Variants in PTPRK observed in about 807,000 individuals in gnomAD.
PTPRK encodes receptor-type tyrosine-protein phosphatase kappa.
A neutral mutation model predicts 178.0 loss-of-function variants in PTPRK; 75 were observed. The ratio of observed to expected loss-of-function variants is 0.42; its 90% CI spans 0.35 to 0.51. The LOEUF (loss-of-function observed/expected upper bound fraction) is 0.51. Among genes scored for constraint, PTPRK ranks in the 20% least tolerant of loss-of-function variants. The pLI is 0.02. For synonymous variants in PTPRK, 637 were observed against 620.6 expected (o/e 1.03, Z -0.39); for missense variants, 1,441 against 1,797.8 (o/e 0.80, Z 3.59).
intron 22 of PTPRK, among the ~76,000 whole-genome samples, chr6:127,983,655 T>C (rs975688577): frequency 6.6e-6 from 1 of 152,218 alleles, no homozygotes; most frequent in African/African-American, 2.4e-5. Flanking sequence ...ACAATTTTCA[T>C]TTTATGTAAA....
chr6:128,294,802 A>G (rs1160657740), intron 3 of PTPRK, among the ~76,000 whole-genome samples: 4 of 152,116 alleles, frequency 2.6e-5, no homozygotes, highest in Non-Finnish European at 4.4e-5. Context: ...TATAATATAC[A>G]TTCTACTTCT....
At chr6:128,049,069 T>C (rs1031452402) in intron 13 of PTPRK, among the ~76,000 whole-genome samples, 4 of 152,094 alleles carry the variant, frequency 2.6e-5, no homozygotes, top group African/African-American at 9.7e-5. Context: ...AGAAACATTA[T>C]TAAATTAAAA....
At chr6:128,492,667 T>C (rs916358511) in intron 1 of PTPRK, among the ~76,000 whole-genome samples, 1 of 152,230 alleles carries the variant, frequency 6.6e-6, no homozygotes, top group Non-Finnish European at 1.5e-5. Context: ...ATAGCTGTTA[T>C]TTTCATGCTC....
At chr6:128,053,808 T>A (rs1042078922) in intron 13 of PTPRK, among the ~76,000 whole-genome samples, 7 of 152,150 alleles carry the variant, frequency 4.6e-5, no homozygotes, top group African/African-American at 9.7e-5. Context: ...CTGCTGCTGC[T>A]TTCATCTCTC....
At chr6:128,071,194 T>C (rs1263659784) in intron 11 of PTPRK, among the ~76,000 whole-genome samples, 1 of 151,892 alleles carries the variant, frequency 6.6e-6, no homozygotes, top group Non-Finnish European at 1.5e-5. Flanking sequence ...CTACCATCTT[T>C]AGAATGCTTT....
At chr6:128,491,362 G>C (rs1187046818) in intron 1 of PTPRK, among the ~76,000 whole-genome samples, 1 of 152,192 alleles carries the variant, frequency 6.6e-6, no homozygotes, top group East Asian at 1.9e-4. Flanking sequence ...GGTTAATATA[G>C]AAATGTTAGT....
At chr6:128,247,236 A>G (rs1815635870) in intron 3 of PTPRK, among the ~76,000 whole-genome samples, 1 of 152,232 alleles carries the variant, frequency 6.6e-6, no homozygotes, top group Admixed American at 6.5e-5. Context: ...AAAATCTGAA[A>G]AAAATTTCCC....
intron 24 of PTPRK, among the ~76,000 whole-genome samples, chr6:127,981,966 A>G (rs1775392643): frequency 6.6e-6 from 1 of 152,012 alleles, no homozygotes; most frequent in African/African-American, 2.4e-5. Flanking sequence ...CAACCTCCTG[A>G]GTAGCTGGGA....
At chr6:128,107,534 C>T (rs1228396727) in intron 7 of PTPRK, among the ~76,000 whole-genome samples, 1 of 152,034 alleles carries the variant, frequency 6.6e-6, no homozygotes. Flanking sequence ...AATTGTATTT[C>T]TTCAAGGTCT....
intron 2 of PTPRK, among the ~76,000 whole-genome samples, chr6:128,352,879 AAT>A (rs750496388): frequency 5.9e-5 from 9 of 152,224 alleles, no homozygotes; most frequent in Non-Finnish European, 1.2e-4. Flanking sequence ...TAAGTAATAA[AAT>A]AGTTTGTTCA....
chr6:128,294,624 T>C (rs922433379), intron 3 of PTPRK, among the ~76,000 whole-genome samples: 1 of 152,114 alleles, frequency 6.6e-6, no homozygotes, highest in Non-Finnish European at 1.5e-5. Flanking sequence ...TTGCATTTCA[T>C]CTCTATCATT....
intron 1 of PTPRK, chr6:128,491,749 A>G (rs776254496): frequency 3.9e-6 from 2 of 518,014 alleles, no homozygotes; most frequent in Non-Finnish European, 7.7e-6. Context: ...ATCGCCCTTC[A>G]TGATCCTGGC....
chr6:128,484,887 CTAACTACTA>C (rs1194746583), intron 1 of PTPRK, among the ~76,000 whole-genome samples: 1 of 152,108 alleles, frequency 6.6e-6, no homozygotes, highest in East Asian at 1.9e-4. Context: ...ATCCACAACT[CTAACTACTA>C]TAATTTTAAT....
At chr6:128,518,053 C>T (rs978347857) in intron 1 of PTPRK, among the ~76,000 whole-genome samples, 25 of 152,014 alleles carry the variant, frequency 1.6e-4, no homozygotes, top group Non-Finnish European at 3.5e-4. Context: ...GAAGTATTTA[C>T]AAAACAAACT....
At chr6:128,296,060 C>A (rs1300301307) in intron 3 of PTPRK, among the ~76,000 whole-genome samples, 1 of 152,074 alleles carries the variant, frequency 6.6e-6, no homozygotes, top group African/African-American at 2.4e-5. Context: ...GAGTCAAGGG[C>A]AAGTCCTTCG....
chr6:128,375,580 T>A (rs1378604394), intron 2 of PTPRK, among the ~76,000 whole-genome samples: 3 of 151,868 alleles, frequency 2.0e-5, no homozygotes, highest in African/African-American at 7.3e-5. Context: ...TAACATTCCA[T>A]CCCCGGCCCC....
intron 7 of PTPRK, among the ~76,000 whole-genome samples, chr6:128,143,340 C>T (rs1341897726): frequency 6.6e-6 from 1 of 152,088 alleles, no homozygotes; most frequent in African/African-American, 2.4e-5. Flanking sequence ...TTAAGAAAAA[C>T]ACTTGAAAAC....
At chr6:128,371,382 G>A (rs553255065) in intron 2 of PTPRK, among the ~76,000 whole-genome samples, 71 of 152,062 alleles carry the variant, frequency 4.7e-4, no homozygotes, top group Non-Finnish European at 3.4e-4. Flanking sequence ...ATAATTTTAC[G>A]TATTCTCATA....
At chr6:128,301,094 G>T (rs1825534058) in intron 3 of PTPRK, among the ~76,000 whole-genome samples, 1 of 152,132 alleles carries the variant, frequency 6.6e-6, no homozygotes, top group African/African-American at 2.4e-5. Context: ...ACTGAAAATA[G>T]TGCCTGGCAT....
Sources: gnomAD v4.1 joint callset for allele counts (sites outside exome capture counted in the v4.1 genomes callset) on GRCh38, gnomAD v4.1.1 for gene constraint, MANE v1.5 for transcripts, NCBI Gene and HGNC (gene_info 2026-07-23, HGNC 2026-07-21) for gene names.